ZC3H12B: variants seen among roughly 807,000 people sequenced by gnomAD.
ZC3H12B encodes probable ribonuclease ZC3H12B.
In ZC3H12B, 7 loss-of-function variants were observed where a neutral mutation model predicts 43.9. The ratio of observed to expected loss-of-function variants is 0.16; its 90% CI spans 0.09 to 0.30. The LOEUF is 0.30. ZC3H12B is among the 10% of genes least tolerant of loss of function. ZC3H12B has a pLI of 1.00. For missense variants in ZC3H12B, 475 were observed against 670.2 expected, an observed-to-expected ratio of 0.71 and a Z score of 3.22; for synonymous variants, 222 against 241.7, an observed-to-expected ratio of 0.92 and a Z score of 0.76.
At chrX:65,149,922 C>A in the ZC3H12B span, among the ~76,000 whole-genome samples, 2 of 109,860 alleles carry the variant, frequency 1.8e-5, no homozygotes, top group East Asian at 5.7e-4. Context: ...ATATACCACA[C>A]ATTGTCCAAG....
At position 65,395,783 on chromosome X, in the gene ZC3H12B, C is replaced by G. The variant is rs369532838; in HGVS notation, n.296-2810C>G. Among the ~76,000 whole-genome samples the G allele has an allele frequency of 1.2e-4, 13 of 111,919 alleles. No individual in the cohort carries two copies. In the South Asian group the frequency reaches 4.9e-3, roughly 42 times the overall value. On this transcript the variant is annotated intron_variant and non_coding_transcript_variant, in intron 2 of 5. Coordinates refer to the ZC3H12B transcript ENST00000617377. ...ATGGTACCAGCTCCTCTTTGTACCTCTGGTAGAATTTGGCTGTGAATCTGT... is the reference window on the plus strand; with the variant it reads ...ATGGTACCAGCTCCTCTTTGTACCTGTGGTAGAATTTGGCTGTGAATCTGT...
At chrX:65,035,943 T>A in the ZC3H12B span, among the ~76,000 whole-genome samples, 1 of 112,329 alleles carries the variant, frequency 8.9e-6, no homozygotes, top group Non-Finnish European at 1.9e-5. Context: ...TTTTACAAAC[T>A]ACTTTTCATC....
At chrX:65,192,624 A>C in the ZC3H12B span, among the ~76,000 whole-genome samples, 1 of 111,582 alleles carries the variant, frequency 9.0e-6, no homozygotes, top group Non-Finnish European at 1.9e-5. Flanking sequence ...TTTGTCCTTC[A>C]TTCTTTTGAT....
chrX:65,200,472 G>T, the ZC3H12B span, among the ~76,000 whole-genome samples: 2 of 79,608 alleles, frequency 2.5e-5, no homozygotes, highest in Non-Finnish European at 4.5e-5. Context: ...TCACTGAGTT[G>T]CCCAGGCTGG....
chrX:65,359,637 A>T, the ZC3H12B span, among the ~76,000 whole-genome samples: 1 of 112,478 alleles, frequency 8.9e-6, no homozygotes, highest in Admixed American at 9.5e-5. Flanking sequence ...CTGCAGTCTC[A>T]TGATAAAACT....
chrX:65,222,445 T>G, the ZC3H12B span, among the ~76,000 whole-genome samples: 1 of 110,338 alleles, frequency 9.1e-6, no homozygotes, highest in Non-Finnish European at 1.9e-5. Flanking sequence ...TTAAAAATTC[T>G]AAAGACTTAT....
At chrX:65,179,532 C>T in the ZC3H12B span, among the ~76,000 whole-genome samples, 16 of 110,021 alleles carry the variant, frequency 1.5e-4, no homozygotes, top group Non-Finnish European at 2.3e-4. Flanking sequence ...AAAAACCCTT[C>T]AAAAAATGAA....
chrX:65,410,175 G>A (rs536490021), intron 3 of ZC3H12B, among the ~76,000 whole-genome samples: 2 of 107,734 alleles, frequency 1.9e-5, no homozygotes, highest in South Asian at 4.1e-4. Flanking sequence ...CACTTAAAGT[G>A]AACTCATTTT....
the ZC3H12B span, among the ~76,000 whole-genome samples, chrX:65,254,625 G>A: frequency 8.9e-6 from 1 of 112,306 alleles, no homozygotes; most frequent in African/African-American, 3.2e-5. Context: ...AGCAGCACAA[G>A]AACCCTAGTA....
chrX:65,329,148 A>G, the ZC3H12B span, among the ~76,000 whole-genome samples: 1 of 111,577 alleles, frequency 9.0e-6, no homozygotes, highest in African/African-American at 3.3e-5. Context: ...TGGGTGAACT[A>G]GTTTACAGTC....
the ZC3H12B span, chrX:65,357,097 C>T: frequency 1.3e-5 from 7 of 525,865 alleles, no homozygotes; most frequent in Admixed American, 1.7e-4. Context: ...CCACCACAAG[C>T]TCCAAAGGCT....
At chrX:65,321,459 A>T in the ZC3H12B span, among the ~76,000 whole-genome samples, 1 of 111,957 alleles carries the variant, frequency 8.9e-6, no homozygotes, top group Non-Finnish European at 1.9e-5. Context: ...GTGTGAGTGT[A>T]CGTGAGTTCA....
the ZC3H12B span, among the ~76,000 whole-genome samples, chrX:65,356,192 G>T: frequency 1.8e-5 from 2 of 111,336 alleles, no homozygotes; most frequent in Non-Finnish European, 3.8e-5. Context: ...AATTAGGGTG[G>T]AAACATGGAC....
chrX:65,188,156 G>A, the ZC3H12B span, among the ~76,000 whole-genome samples: 1 of 111,331 alleles, frequency 9.0e-6, no homozygotes, highest in African/African-American at 3.3e-5. Flanking sequence ...TTTTATGGCT[G>A]AATATTATTC....
At chrX:65,212,487 A>T in the ZC3H12B span, among the ~76,000 whole-genome samples, 3 of 68,705 alleles carry the variant, frequency 4.4e-5, no homozygotes, top group Non-Finnish European at 4.9e-5. Flanking sequence ...AATAATATAT[A>T]TTATATAATA....
chrX:65,127,546 A>G, the ZC3H12B span, among the ~76,000 whole-genome samples: 1 of 110,900 alleles, frequency 9.0e-6, no homozygotes, highest in African/African-American at 3.3e-5. Context: ...CTGGTTAAGT[A>G]TTCAGGTTTT....
rs779215781 is a variant in ZC3H12B, at chrX:65,369,388, C to T, written n.295+390C>T. 3.6e-5 allele frequency among the ~76,000 whole-genome samples: 4 copies of T among 111,766 alleles called. No homozygotes were observed. The South Asian group carries it at 1.5e-3, about 42-fold the overall frequency. On this transcript the variant is annotated intron_variant and non_coding_transcript_variant, in intron 2 of 5. Transcript: ENST00000617377. ...TTACAAATTAAAAAACTATCTTAAG[C>T]AGGTTATTTGACTTGCCTAAGATCA...
chrX:65,484,922 G>A (rs1360293473), upstream of ZC3H12B, among the ~76,000 whole-genome samples: 1 of 112,056 alleles, frequency 8.9e-6, no homozygotes, highest in Admixed American at 9.5e-5. Context: ...ATTAGTGGGA[G>A]AGAGAAGAAA....
At chrX:65,057,851 A>G in the ZC3H12B span, among the ~76,000 whole-genome samples, 43 of 111,489 alleles carry the variant, frequency 3.9e-4, no homozygotes, top group Middle Eastern at 9.1e-3. Flanking sequence ...CATCACTGAT[A>G]CCCTTTCTTC....
Sources: allele counts gnomAD v4.1 joint callset (sites outside exome capture counted in the v4.1 genomes callset), GRCh38; gene constraint gnomAD v4.1.1; transcripts MANE v1.5; gene names NCBI Gene and HGNC (gene_info 2026-07-23, HGNC 2026-07-21).